SDC3: variants seen among roughly 807,000 people sequenced by gnomAD.
SDC3 encodes syndecan-3.
A neutral mutation model predicts 24.4 loss-of-function variants in SDC3; 13 were observed. That is an observed-to-expected ratio of 0.53 (90% confidence interval 0.35 to 0.85). The LOEUF is 0.85. SDC3 is among the 40% of genes least tolerant of loss of function. The pLI is 0.01. For synonymous variants in SDC3, 295 were observed against 260.9 expected (o/e 1.13, Z -1.26); for missense variants, 571 against 584.5 (o/e 0.98, Z 0.24).
chr1:30,901,497 G>A (rs1638413427), intron 1 of SDC3, among the ~76,000 whole-genome samples: 1 of 152,178 alleles, frequency 6.6e-6, no homozygotes, highest in Non-Finnish European at 1.5e-5. Context: ...GGCCTGAAGA[G>A]TCATCATGCA....
At chr1:30,887,314 G>A (rs951221491) in intron 1 of SDC3, among the ~76,000 whole-genome samples, 71 of 152,210 alleles carry the variant, frequency 4.7e-4, no homozygotes, top group Admixed American at 9.2e-4. Context: ...ACAACCTGGT[G>A]TGGAGTTAGG....
chr1:30,883,377 C>T (rs1276107182), intron 1 of SDC3, among the ~76,000 whole-genome samples: 1 of 152,210 alleles, frequency 6.6e-6, no homozygotes, highest in Admixed American at 6.5e-5. Context: ...CCTAATTAGC[C>T]AGACTCAGGC....
At position 30,877,130 on chromosome 1, in the gene SDC3, G is replaced by A. The variant is rs149166920; in HGVS notation, c.292C>T (p.Arg98Cys). ...EQESGIETAM[R>C]FSPDVALAVS... ...GCCAGGGCTACATCTGGGCTGAAGC[G>A]CATGGCTGTCTCAATGCCCGACTCC... The change falls in exon 3 of 5, where the codon CGC (arginine) becomes TGC (cysteine). Residue 98 changes from arginine (R) to cysteine (C), a missense_variant. Arg to Cys is a radical substitution (Grantham distance 180). Around this residue, in one of 2 missense-constraint regions of SDC3, gnomAD observed 497 missense variants for 471.6 expected, o/e 1.05. Coordinates refer to ENST00000339394, the MANE Select transcript of SDC3 (RefSeq NM_014654.4). The A allele has an allele frequency of 9.1e-5, 147 of 1,613,962 alleles. 1 individual carries two copies. In the African/African-American group the frequency reaches 1.2e-3, roughly 13 times the overall value.
In SDC3 at chr1:30,894,678, C is replaced by G. The variant is rs112823449; in HGVS notation, c.138+13771G>C. Among the ~76,000 whole-genome samples the G allele has an allele frequency of 6.6e-4, 19 of 28,938 alleles. 1 individual carries two copies. Among genetic ancestry groups the G allele is most frequent in the Admixed American group, 3.3e-3 (9 of 2,708 alleles). 19.0% of individuals were successfully genotyped at this position (28,938 alleles called of 152,430 possible). ...TGTGTGGGTGAGTGTGTGTGGATGA[C>G]TGTGAGTGTGTGGGTGAGAGTGTGT... On this transcript the variant is annotated intron_variant, in intron 1 of 4. Coordinates refer to ENST00000339394, the MANE Select transcript of SDC3 (RefSeq NM_014654.4).
At chr1:30,874,715 TC>T in intron 3 of SDC3, 127 bp from the exon 4 acceptor site, 1 of 855,452 alleles carries the variant, frequency 1.2e-6, no homozygotes. Flanking sequence ...CTACACACTA[TC>T]CCCATGAAGG....
At chr1:30,880,206 C>T (rs1373004177) in intron 1 of SDC3, among the ~76,000 whole-genome samples, 2 of 152,056 alleles carry the variant, frequency 1.3e-5, no homozygotes, top group African/African-American at 2.4e-5. Context: ...ACCATCTTCT[C>T]CATGCTAACG....
chr1:30,884,270 CA>C (rs1639793782), intron 1 of SDC3, among the ~76,000 whole-genome samples: 1 of 149,242 alleles, frequency 6.7e-6, no homozygotes, highest in Admixed American at 6.6e-5. Context: ...GCTGAAACAC[CA>C]CAGACCCCCC....
In SDC3 at chr1:30,876,731, A is replaced by G. The variant is rs1260317632; in HGVS notation, c.691T>C (p.Ser231Pro). ...AAGACAGCCGCCGTGGTGGGCGGGG[A>G]GGGCGCCTCGGGGGTAGTGGCCCGT... Reference protein sequence around the residue: ...TARATTPEAPSPPTTAAVLDT... With the variant: ...TARATTPEAPPPPTTAAVLDT... The change falls in exon 3 of 5, where the codon TCC becomes CCC. Residue 231 changes from serine to proline, a missense_variant. Physicochemically the swap from Ser to Pro is moderately conservative, Grantham distance 74 (BLOSUM62 -1). Transcript: ENST00000339394. 1.3e-6 allele frequency: 2 copies of G among 1,590,704 alleles called. No individual in the cohort carries two copies. Among genetic ancestry groups the G allele is most frequent in the Non-Finnish European group, 1.7e-6 (2 of 1,168,124 alleles).
intron 1 of SDC3, among the ~76,000 whole-genome samples, chr1:30,890,976 G>C (rs937877730): frequency 1.3e-5 from 2 of 152,154 alleles, no homozygotes; most frequent in African/African-American, 4.8e-5. Flanking sequence ...GCCAGTGGAG[G>C]GGGACAGGCT....
chr1:30,875,005 C>G (rs543167090), intron 3 of SDC3, among the ~76,000 whole-genome samples: 2 of 152,326 alleles, frequency 1.3e-5, no homozygotes, highest in East Asian at 3.9e-4. Flanking sequence ...GGATGTGGGC[C>G]TGGTCCCAGT....
intron 1 of SDC3, among the ~76,000 whole-genome samples, chr1:30,906,806 T>G (rs1334727424): frequency 1.6e-4 from 24 of 152,114 alleles, no homozygotes; most frequent in Admixed American, 1.6e-3. Context: ...GCCTTTGATT[T>G]TAAGGATGGT....
At chr1:30,874,262 C>A in intron 4 of SDC3, 35 bp downstream of exon 4, 1 of 1,550,852 alleles carries the variant, frequency 6.4e-7, no homozygotes. Context: ...CTGGTATCCT[C>A]CCAGGCTCCC....
intron 1 of SDC3, among the ~76,000 whole-genome samples, chr1:30,879,784 T>C (rs962317199): frequency 9.9e-5 from 15 of 152,140 alleles, no homozygotes; most frequent in Admixed American, 2.0e-4. Context: ...AGCCCCCAAC[T>C]GAAGTAAATG....
At chr1:30,908,348 G>A (rs372912566) in intron 1 of SDC3, 101 bp downstream of exon 1, 7,323 of 625,438 alleles carry the variant, frequency 0.012, 78 homozygotes, top group East Asian at 0.063. Context: ...CGGGGGGGAG[G>A]GAGCGGGGTC....
At chr1:30,887,243 G>A (rs1216890888) in intron 1 of SDC3, among the ~76,000 whole-genome samples, 87 of 151,642 alleles carry the variant, frequency 5.7e-4, no homozygotes, top group Admixed American at 5.5e-3. Flanking sequence ...GCTCCATGAC[G>A]GTCACTGCCA....
At chr1:30,880,966 A>C (rs1029074390) in intron 1 of SDC3, among the ~76,000 whole-genome samples, 2 of 148,664 alleles carry the variant, frequency 1.3e-5, no homozygotes, top group African/African-American at 5.0e-5. Flanking sequence ...CCTCCAGGTA[A>C]ACACAACCCC....
chr1:30,883,002 G>C (rs527962050), intron 1 of SDC3, among the ~76,000 whole-genome samples: 1 of 152,194 alleles, frequency 6.6e-6, no homozygotes, highest in Non-Finnish European at 1.5e-5. Flanking sequence ...GTGTAGCCAC[G>C]ATTGCTGTTA....
intron 1 of SDC3, among the ~76,000 whole-genome samples, chr1:30,891,463 C>T (rs1425847783): frequency 6.6e-6 from 1 of 152,180 alleles, no homozygotes; most frequent in Non-Finnish European, 1.5e-5. Flanking sequence ...GGAAGGTGCT[C>T]GGTAGCCCCG....
At chr1:30,894,050 G>C (rs1639947540) in intron 1 of SDC3, among the ~76,000 whole-genome samples, 1 of 152,068 alleles carries the variant, frequency 6.6e-6, no homozygotes, top group Non-Finnish European at 1.5e-5. Context: ...CCTCTGGCCT[G>C]GGCTCCTAGA....
Sources: allele counts gnomAD v4.1 joint callset (sites outside exome capture counted in the v4.1 genomes callset), GRCh38; gene constraint gnomAD v4.1.1; regional missense constraint gnomAD v4.1.1; transcripts MANE v1.5; gene names NCBI Gene and HGNC (gene_info 2026-07-23, HGNC 2026-07-21).